Variants in SUMF1 observed in about 807,000 individuals in gnomAD.
SUMF1 encodes the protein formylglycine-generating enzyme.
A neutral mutation model predicts 47.6 loss-of-function variants in SUMF1; 48 were observed. The observed-to-expected ratio is 1.01, with a 90% CI of 0.80 to 1.28. SUMF1 has a LOEUF of 1.28. Among genes scored for constraint, SUMF1 ranks in the 50% most tolerant of loss-of-function variants. The pLI, the probability that SUMF1 is intolerant of heterozygous loss-of-function variation, is 0.00. For missense variants in SUMF1, 571 were observed against 485.4 expected (o/e 1.18, Z -1.66); for synonymous variants, 230 against 192.1 (o/e 1.20, Z -1.63).
intron 8 of SUMF1, among the ~76,000 whole-genome samples, chr3:4,343,202 G>C (rs1462106564): frequency 6.6e-6 from 1 of 152,206 alleles, no homozygotes; most frequent in East Asian, 1.9e-4. Flanking sequence ...AATACATAAG[G>C]TCCTTGGCCT....
At chr3:4,242,635 G>A (rs188250007) in intron 8 of SUMF1, among the ~76,000 whole-genome samples, 4 of 152,274 alleles carry the variant, frequency 2.6e-5, no homozygotes, top group East Asian at 3.9e-4. Context: ...ACTTGATCAT[G>A]GTGGATAAGC....
chr3:4,256,972 A>G (rs1475797199), intron 8 of SUMF1, among the ~76,000 whole-genome samples: 1 of 126,378 alleles, frequency 7.9e-6, no homozygotes, highest in Admixed American at 8.0e-5. Flanking sequence ...AAATCAATAA[A>G]TGTAATCCAG....
chr3:4,374,825 A>G (rs1468638170), intron 8 of SUMF1, among the ~76,000 whole-genome samples: 1 of 152,188 alleles, frequency 6.6e-6, no homozygotes, highest in East Asian at 1.9e-4. Context: ...ACATGTAAAT[A>G]TATTGGGAAG....
intron 1 of SUMF1, among the ~76,000 whole-genome samples, chr3:4,455,760 C>A (rs1703140305): frequency 6.6e-6 from 1 of 151,976 alleles, no homozygotes. Flanking sequence ...AAGAAAAGCC[C>A]AGAACCAGAT....
At chr3:4,271,518 GA>G (rs68041072) in intron 8 of SUMF1, among the ~76,000 whole-genome samples, 26,781 of 121,664 alleles carry the variant, frequency 0.22, 2,558 homozygotes, top group Non-Finnish European at 0.27. Context: ...TAGATAGATA[GA>G]TACAGAGAGG....
rs146894799 is a variant in SUMF1, at chr3:4,059,571, G to A, written c.1191+8998C>T. Among the ~76,000 whole-genome samples, 803 of 152,280 alleles carry A rather than the reference G, an allele frequency of 5.3e-3. 10 individuals are homozygous for A. The highest frequency in any genetic ancestry group is 0.02 in the Middle Eastern group (6 of 294). The stretch of plus-strand genomic sequence containing the variant: ...AAAGAAATAAACATTGCATTTTGCA[G>A]AGAATCCATTCTATCATGTTATTCA... On this transcript the variant is annotated intron_variant and NMD_transcript_variant, in intron 9 of 12. Transcript: ENST00000448413.
At chr3:4,291,384 GCTCT>G (rs1229620465) in intron 8 of SUMF1, among the ~76,000 whole-genome samples, 2 of 151,778 alleles carry the variant, frequency 1.3e-5, no homozygotes, top group African/African-American at 2.4e-5. Context: ...CCTCATCTCT[GCTCT>G]CTCTCCTTGT....
At chr3:4,109,798 G>T (rs1270428782) in intron 8 of SUMF1, among the ~76,000 whole-genome samples, 2 of 152,042 alleles carry the variant, frequency 1.3e-5, no homozygotes, top group Non-Finnish European at 2.9e-5. Context: ...GGACTTCTCT[G>T]CATTGGTTAT....
intron 3 of SUMF1, among the ~76,000 whole-genome samples, chr3:4,446,535 C>T (rs1339647503): frequency 2.6e-5 from 4 of 152,126 alleles, no homozygotes; most frequent in Non-Finnish European, 5.9e-5. Flanking sequence ...ATGATAGCCC[C>T]CAATGGATTA....
intron 8 of SUMF1, among the ~76,000 whole-genome samples, chr3:4,181,484 G>C (rs898364509): frequency 6.6e-6 from 1 of 152,174 alleles, no homozygotes; most frequent in African/African-American, 2.4e-5. Context: ...AGAGAGAAAA[G>C]GATGAAAGAA....
intron 8 of SUMF1, among the ~76,000 whole-genome samples, chr3:4,174,356 C>CAAAA (rs547741138): frequency 2.5e-4 from 28 of 112,482 alleles, no homozygotes; most frequent in Non-Finnish European, 2.8e-4. Context: ...ACTCCGTCTC[C>CAAAA]AAAAAAAAAA....
intron 8 of SUMF1, among the ~76,000 whole-genome samples, chr3:4,326,522 G>GTTTTTTTTTTTTTTTTTTTT (rs35648890): frequency 1.0e-4 from 13 of 128,676 alleles, no homozygotes; most frequent in African/African-American, 3.4e-4. Context: ...TTTTCCAAGG[G>GTTTTTTTTTTTTTTTTTTTT]TTTTTTTTTT....
At chr3:4,420,816 G>A (rs1360245618) in intron 3 of SUMF1, among the ~76,000 whole-genome samples, 1 of 152,184 alleles carries the variant, frequency 6.6e-6, no homozygotes, top group East Asian at 1.9e-4. Context: ...ACAATTAAAT[G>A]TGAGGCTAAA....
chr3:4,087,746 A>G (rs946439025), intron 8 of SUMF1, among the ~76,000 whole-genome samples: 1 of 151,964 alleles, frequency 6.6e-6, no homozygotes, highest in Non-Finnish European at 1.5e-5. Flanking sequence ...TTAAAACAGC[A>G]CCATTTTAAT....
intron 9 of SUMF1, among the ~76,000 whole-genome samples, chr3:4,045,427 T>C (rs1005127788): frequency 1.3e-5 from 2 of 151,734 alleles, no homozygotes; most frequent in Middle Eastern, 6.3e-3. Flanking sequence ...CATCCATCTT[T>C]CTGCTTGTTT....
chr3:4,462,738 G>C (rs1480085136), intron 1 of SUMF1, among the ~76,000 whole-genome samples: 1 of 152,174 alleles, frequency 6.6e-6, no homozygotes, highest in East Asian at 1.9e-4. Context: ...TGAGAAAGCT[G>C]GGTGAATAAG....
intron 8 of SUMF1, among the ~76,000 whole-genome samples, chr3:4,244,930 G>A (rs879291996): frequency 1.4e-4 from 22 of 151,784 alleles, no homozygotes; most frequent in African/African-American, 2.2e-4. Context: ...GGCTTCGTTC[G>A]TTTTTGGGTT....
Position 4,076,873 on chromosome 3 carries a change from G to A in SUMF1, c.1015-8128C>T, listed in dbSNP as rs141257232. On this transcript the variant is annotated intron_variant and NMD_transcript_variant, in intron 8 of 12. Transcript: ENST00000448413. ...CAAAAAATTAGACAGGTGTGGTGGC[G>A]GGCACCTGTAGTCCCAGCTACTCGG... Among the ~76,000 whole-genome samples, 821 of 152,008 alleles carry A rather than the reference G, an allele frequency of 5.4e-3. 7 individuals are homozygous for A. Among genetic ancestry groups the A allele is most frequent in the Non-Finnish European group, 7.8e-3 (527 of 67,958 alleles).
At chr3:4,252,700 A>C (rs1403739821) in intron 8 of SUMF1, among the ~76,000 whole-genome samples, 1 of 152,132 alleles carries the variant, frequency 6.6e-6, no homozygotes, top group East Asian at 1.9e-4. Flanking sequence ...CACCGGGCCA[A>C]CCCCTTTAAT....
Sources: gnomAD v4.1 joint callset for allele counts (sites outside exome capture counted in the v4.1 genomes callset) on GRCh38, gnomAD v4.1.1 for gene constraint, MANE v1.5 for transcripts, NCBI Gene and HGNC (gene_info 2026-07-23, HGNC 2026-07-21) for gene names.